EPHB1: variants seen among roughly 807,000 people sequenced by gnomAD.
EPHB1 encodes ephrin type-B receptor 1.
In EPHB1, 30 loss-of-function variants were observed where a neutral mutation model predicts 94.4. The ratio of observed to expected loss-of-function variants is 0.32; its 90% CI spans 0.24 to 0.43. The LOEUF (loss-of-function observed/expected upper bound fraction) is 0.43. Among genes scored for constraint, EPHB1 ranks in the 20% least tolerant of loss-of-function variants. EPHB1 has a pLI of 1.00. For missense variants in EPHB1, 1,055 were observed against 1,308.3 expected (o/e 0.81, Z 2.99); for synonymous variants, 522 against 489.1 (o/e 1.07, Z -0.89).
intron 3 of EPHB1, among the ~76,000 whole-genome samples, chr3:134,979,179 A>G (rs1934310709): frequency 6.6e-6 from 1 of 152,238 alleles, no homozygotes; most frequent in Non-Finnish European, 1.5e-5. Flanking sequence ...TTTGACTGAC[A>G]GAGAAGTGTA....
chr3:135,077,717 G>A (rs1302587948), intron 3 of EPHB1, among the ~76,000 whole-genome samples: 1 of 152,174 alleles, frequency 6.6e-6, no homozygotes, highest in East Asian at 1.9e-4. Flanking sequence ...CTACAGGAGG[G>A]ACTAGAGCCG....
At chr3:134,920,526 A>T (rs182039116) in intron 1 of EPHB1, among the ~76,000 whole-genome samples, 394 of 152,274 alleles carry the variant, frequency 2.6e-3, no homozygotes, top group Admixed American at 4.8e-3. Flanking sequence ...TGCTCAGAAA[A>T]GGCCTGGAAG....
At chr3:134,857,790 C>T (rs1188726166) in intron 1 of EPHB1, among the ~76,000 whole-genome samples, 1 of 152,186 alleles carries the variant, frequency 6.6e-6, no homozygotes, top group African/African-American at 2.4e-5. Context: ...TTCCCCTCCT[C>T]TCTGTTGGAT....
In EPHB1 at chr3:134,807,566, GA is replaced by G. The variant is rs1207210196; in HGVS notation, c.58+11887del. Among the ~76,000 whole-genome samples the G allele has an allele frequency of 9.3e-4, 135 of 145,128 alleles. 2 individuals carry two copies. The highest frequency in any genetic ancestry group is 7.0e-3 in the Middle Eastern group (2 of 286). On this transcript the variant is annotated intron_variant, in intron 1 of 15. Transcript: ENST00000398015. ...GAGAGAGAGAGGGGAGAGAGAGAGA[GA>G]AAAAAAAAAGTTTGGGACTTTGGTT...
In EPHB1 at chr3:135,257,756, C is replaced by T. The variant is rs570493840; in HGVS notation, c.2847-1256C>T. 2.4e-3 allele frequency among the ~76,000 whole-genome samples: 352 copies of T among 149,046 alleles called. 3 individuals carry two copies. Among genetic ancestry groups the T allele is most frequent in the South Asian group, 7.5e-3 (34 of 4,542 alleles). On this transcript the variant is annotated intron_variant, in intron 15 of 15. Transcript: ENST00000398015. The stretch of plus-strand genomic sequence containing the variant: ...TGGGCTCCACCCAGTTCGAGCTTCC[C>T]GGCTGCTTTGTTTACCTAAGCAAGC...
At chr3:135,070,621 A>G (rs964700464) in intron 3 of EPHB1, among the ~76,000 whole-genome samples, 4 of 152,170 alleles carry the variant, frequency 2.6e-5, no homozygotes, top group Admixed American at 6.5e-5. Context: ...GCTTATTATT[A>G]TGAGGAGTTT....
At chr3:135,240,752 A>G (rs1037457573) in intron 12 of EPHB1, among the ~76,000 whole-genome samples, 12 of 152,174 alleles carry the variant, frequency 7.9e-5, no homozygotes, top group African/African-American at 2.4e-4. Flanking sequence ...TTCTGACCCA[A>G]ATGTGTTAGC....
At position 134,871,781 on chromosome 3, in the gene EPHB1, C is replaced by T. The variant is rs185374733; in HGVS notation, c.59-54035C>T. On this transcript the variant is annotated intron_variant, in intron 1 of 15. Transcript: ENST00000398015. ...TGCTGGGATTTCCAAGAGTCTCCTC[C>T]GCCATGTTATGTCCAAATGGGCGCT... 4.3e-4 allele frequency among the ~76,000 whole-genome samples: 66 copies of T among 152,230 alleles called. 2 individuals carry two copies. The highest frequency in any genetic ancestry group is 6.2e-4 in the South Asian group (3 of 4,808).
chr3:134,841,055 C>T (rs6776848), intron 1 of EPHB1, among the ~76,000 whole-genome samples: 7,768 of 152,270 alleles, frequency 0.051, 577 homozygotes, highest in African/African-American at 0.16. Flanking sequence ...CCTGGTTTCC[C>T]TCCTTCTCAG....
intron 1 of EPHB1, among the ~76,000 whole-genome samples, chr3:134,880,326 TA>T (rs1343398923): frequency 6.6e-6 from 1 of 152,180 alleles, no homozygotes; most frequent in African/African-American, 2.4e-5. Context: ...CTTAGGATTA[TA>T]AAAAAGCTCC....
At chr3:135,112,201 T>A (rs181227348) in intron 4 of EPHB1, among the ~76,000 whole-genome samples, 49 of 152,224 alleles carry the variant, frequency 3.2e-4, no homozygotes, top group African/African-American at 1.2e-3. Context: ...GTAGCCAGTG[T>A]AAATGGGTGA....
chr3:135,137,710 G>A (rs1225656659), intron 5 of EPHB1, among the ~76,000 whole-genome samples: 1 of 152,186 alleles, frequency 6.6e-6, no homozygotes, highest in Non-Finnish European at 1.5e-5. Context: ...AAGCAAATGA[G>A]AGAGCAGATA....
At chr3:135,231,319 G>C (rs995456978) in intron 12 of EPHB1, among the ~76,000 whole-genome samples, 2 of 152,174 alleles carry the variant, frequency 1.3e-5, no homozygotes, top group Non-Finnish European at 2.9e-5. Flanking sequence ...AAAGAGAGCT[G>C]TTTGCCCAGT....
intron 1 of EPHB1, among the ~76,000 whole-genome samples, chr3:134,870,871 A>T (rs542415694): frequency 1.3e-5 from 2 of 152,342 alleles, no homozygotes; most frequent in Admixed American, 1.3e-4. Context: ...TGAGGCTCAC[A>T]GAAGTTGAGC....
chr3:134,887,056 T>G (rs113807168), intron 1 of EPHB1, among the ~76,000 whole-genome samples: 5,966 of 152,324 alleles, frequency 0.039, 369 homozygotes, highest in African/African-American at 0.14. Flanking sequence ...GCAGAATTAG[T>G]GGCTTAAAAC....
intron 9 of EPHB1, among the ~76,000 whole-genome samples, chr3:135,176,797 AC>A (rs1941991139): frequency 6.6e-6 from 1 of 152,208 alleles, no homozygotes; most frequent in African/African-American, 2.4e-5. Flanking sequence ...GTATGTCTTT[AC>A]TTGCAAACCA....
At chr3:135,094,384 C>T (rs1938674758) in intron 3 of EPHB1, among the ~76,000 whole-genome samples, 1 of 152,186 alleles carries the variant, frequency 6.6e-6, no homozygotes, top group African/African-American at 2.4e-5. Flanking sequence ...CCCCCATGTC[C>T]AGTGTGTAGG....
intron 3 of EPHB1, among the ~76,000 whole-genome samples, chr3:134,967,343 C>T (rs1703027022): frequency 6.6e-6 from 1 of 152,158 alleles, no homozygotes; most frequent in African/African-American, 2.4e-5. Flanking sequence ...ATGCTATGGT[C>T]TGAATGTGTC....
intron 2 of EPHB1, among the ~76,000 whole-genome samples, chr3:134,927,028 G>A (rs1478678549): frequency 6.6e-6 from 1 of 152,178 alleles, no homozygotes; most frequent in Non-Finnish European, 1.5e-5. Context: ...AAGGGAGAAG[G>A]CAAGAGGAGG....
Sources: allele counts gnomAD v4.1 joint callset (sites outside exome capture counted in the v4.1 genomes callset), GRCh38; gene constraint gnomAD v4.1.1; transcripts MANE v1.5; gene names NCBI Gene and HGNC (gene_info 2026-07-23, HGNC 2026-07-21).